Variants in LMBRD1 observed in about 807,000 individuals in gnomAD.
LMBRD1 encodes lysosomal cobalamin transport escort protein LMBD1.
A neutral mutation model predicts 74.8 loss-of-function variants in LMBRD1; 64 were observed. That is an observed-to-expected ratio of 0.86 (90% CI 0.70 to 1.05). The LOEUF is 1.05. Among genes scored for constraint, LMBRD1 ranks in the 50% least tolerant of loss-of-function variants. The pLI is 0.00. For synonymous variants in LMBRD1, 204 were observed against 216.3 expected (o/e 0.94, Z 0.50); for missense variants, 652 against 645.9 (o/e 1.01, Z -0.10).
At chr6:69,791,183 A>C (rs1053254548) in intron 1 of LMBRD1, among the ~76,000 whole-genome samples, 1 of 152,192 alleles carries the variant, frequency 6.6e-6, no homozygotes, top group Non-Finnish European at 1.5e-5. Flanking sequence ...TAACGTTAGG[A>C]GGCATCGGAA....
Position 69,699,184 on chromosome 6 carries a change from T to C in LMBRD1, c.1197A>G (p.Lys399=). 6.2e-6 allele frequency: 10 copies of C among 1,611,362 alleles called. No homozygotes were observed. The highest frequency in any genetic ancestry group is 8.5e-6 in the Non-Finnish European group (10 of 1,177,954). Residue 399 remains lysine (K), a synonymous_variant, in exon 13 of 16, where the codon AAA becomes AAG. Transcript: ENST00000649934. ...GGGGCCTGGTTCTACCTCTTCTGAT[T>C]TTATATAACTGGAAAGAAAAGAGTG... ...GIWFFWIRLY[K]IRRGRTRPQA...
chr6:69,785,575 G>A (rs1485895545), intron 2 of LMBRD1, among the ~76,000 whole-genome samples: 1 of 152,112 alleles, frequency 6.6e-6, no homozygotes, highest in African/African-American at 2.4e-5. Flanking sequence ...CTAGGCATCA[G>A]TGCTCCAATT....
intron 8 of LMBRD1, 93 bp downstream of exon 8, chr6:69,718,863 G>C: frequency 2.2e-6 from 3 of 1,364,476 alleles, no homozygotes; most frequent in Non-Finnish European, 3.1e-6. Context: ...AATGTAAAAA[G>C]TTATGGGGTT....
At chr6:69,688,405 T>TG (rs1265174265) in intron 14 of LMBRD1, among the ~76,000 whole-genome samples, 6 of 151,742 alleles carry the variant, frequency 4.0e-5, no homozygotes, top group East Asian at 3.9e-4. Flanking sequence ...GGCAGAGATT[T>TG]TTTTTTTTTT....
At chr6:69,777,971 T>C (rs927353210) in intron 3 of LMBRD1, among the ~76,000 whole-genome samples, 5 of 152,216 alleles carry the variant, frequency 3.3e-5, no homozygotes, top group Admixed American at 2.6e-4. Flanking sequence ...AGCTTCAGGA[T>C]AGTAACTACC....
chr6:69,739,696 G>GA (rs1562106822), intron 6 of LMBRD1, among the ~76,000 whole-genome samples: 1 of 152,034 alleles, frequency 6.6e-6, no homozygotes, highest in Non-Finnish European at 1.5e-5. Flanking sequence ...GGAATACTGC[G>GA]AAAAAATTGC....
intron 9 of LMBRD1, among the ~76,000 whole-genome samples, chr6:69,706,823 T>C (rs1766269706): frequency 6.6e-6 from 1 of 152,158 alleles, no homozygotes; most frequent in Non-Finnish European, 1.5e-5. Flanking sequence ...GCTTTTCATA[T>C]TTAAAAGTGT....
chr6:69,741,096 TCTCTTACTA>T (rs1288159787), intron 6 of LMBRD1, among the ~76,000 whole-genome samples: 1 of 152,128 alleles, frequency 6.6e-6, no homozygotes, highest in African/African-American at 2.4e-5. Flanking sequence ...CATAAGGTTC[TCTCTTACTA>T]ATTAAAAATA....
chr6:69,796,367 G>GA (rs1472720138), intron 1 of LMBRD1, among the ~76,000 whole-genome samples: 2 of 152,070 alleles, frequency 1.3e-5, no homozygotes, highest in African/African-American at 2.4e-5. Context: ...GAAAATGAGG[G>GA]AAAAAACATA....
chr6:69,777,737 TAA>T (rs1765736186), intron 3 of LMBRD1, among the ~76,000 whole-genome samples: 1 of 151,706 alleles, frequency 6.6e-6, no homozygotes, highest in Admixed American at 6.6e-5. Flanking sequence ...ATTTTGAATG[TAA>T]AAGTCTTACA....
intron 7 of LMBRD1, among the ~76,000 whole-genome samples, chr6:69,727,662 A>ACCCTC (rs1199080605): frequency 6.6e-6 from 1 of 152,234 alleles, no homozygotes; most frequent in East Asian, 1.9e-4. Context: ...TATGCATGTC[A>ACCCTC]GAAAACTGCA....
intron 3 of LMBRD1, among the ~76,000 whole-genome samples, chr6:69,758,462 T>C (rs62408998): frequency 0.094 from 14,293 of 152,162 alleles, 854 homozygotes; most frequent in Non-Finnish European, 0.14. Context: ...ACCTTCCCCC[T>C]TCCTACTGCA....
chr6:69,767,502 G>A (rs1208478044), intron 3 of LMBRD1, among the ~76,000 whole-genome samples: 1 of 151,710 alleles, frequency 6.6e-6, no homozygotes, highest in Non-Finnish European at 1.5e-5. Context: ...CTTGTGGATT[G>A]CCAAGATTTT....
intron 9 of LMBRD1, among the ~76,000 whole-genome samples, chr6:69,704,288 C>T (rs911480253): frequency 6.6e-6 from 1 of 152,134 alleles, no homozygotes; most frequent in East Asian, 1.9e-4. Context: ...AGAAACAATA[C>T]GTTTTTTTCT....
At position 69,796,980 on chromosome 6, in the gene LMBRD1, AG is replaced by A. The variant is rs1298304890; in HGVS notation, c.-100del. On this transcript the variant is annotated 5_prime_UTR_variant, in exon 1 of 16. Transcript: ENST00000649934. ...GATATACTGCACCCGCGCACCCTAA[AG>A]GTTAAAGGGGCGGAGGGGGAGGAGC... is the stretch of plus-strand genomic sequence containing the variant. The A allele has an allele frequency of 2.4e-5, 25 of 1,031,644 alleles. No individual in the cohort carries two copies. The highest frequency in any genetic ancestry group is 3.4e-5 in the Non-Finnish European group (23 of 678,920). The allele number at this position is 1,031,644 out of a possible 1,614,324, so 63.9% of individuals were successfully genotyped here.
At chr6:69,697,451 A>G (rs1467461985) in intron 14 of LMBRD1, 112 bp downstream of exon 14, 3 of 769,072 alleles carry the variant, frequency 3.9e-6, no homozygotes, top group Non-Finnish European at 7.0e-6. Context: ...TACTTGCTAA[A>G]AGTTTCCTTC....
At chr6:69,697,937 G>T (rs1233243877) in intron 13 of LMBRD1, among the ~76,000 whole-genome samples, 3 of 152,024 alleles carry the variant, frequency 2.0e-5, no homozygotes, top group Non-Finnish European at 4.4e-5. Context: ...GCTATTTTCA[G>T]ACTGTGGAAC....
intron 3 of LMBRD1, among the ~76,000 whole-genome samples, chr6:69,767,374 G>A (rs6455342): frequency 0.62 from 93,963 of 151,212 alleles, 29,502 homozygotes; most frequent in East Asian, 0.74. Context: ...GCTATATCCC[G>A]TAAATTTTGA....
Position 69,748,395 on chromosome 6 carries a change from A to T in LMBRD1, c.473+946T>A, listed in dbSNP as rs145186846. ...CAGAGCTAAAATACATAGAAAAACC[A>T]CTAAAAAAAGTGCTTACAAAAGTAC... On this transcript the variant is annotated intron_variant, in intron 5 of 15. Coordinates refer to ENST00000649934, the MANE Select transcript of LMBRD1 (RefSeq NM_018368.4). 6.1e-4 allele frequency among the ~76,000 whole-genome samples: 93 copies of T among 152,266 alleles called. 1 individual carries two copies. The highest frequency in any genetic ancestry group is 2.0e-3 in the African/African-American group (83 of 41,572).
Sources: gnomAD v4.1 joint callset for allele counts (sites outside exome capture counted in the v4.1 genomes callset) on GRCh38, gnomAD v4.1.1 for gene constraint, MANE v1.5 for transcripts, NCBI Gene and HGNC (gene_info 2026-07-23, HGNC 2026-07-21) for gene names.